MYOM2: variants seen among roughly 807,000 people sequenced by gnomAD.
MYOM2 encodes myomesin 2.
MYOM2 carries 254 observed loss-of-function variants against 187.6 expected under a neutral mutation model. The observed-to-expected ratio is 1.35, with a 90% CI of 1.22 to 1.50. MYOM2 has a LOEUF of 1.50. MYOM2 is among the 40% of genes most tolerant of loss of function. The probability of loss-of-function intolerance (pLI) is 0.00; values close to 1 mark genes in which losing one functional copy is unlikely to be tolerated. For missense variants in MYOM2, 2,796 were observed against 1,924.0 expected (o/e 1.45, Z -8.48); for synonymous variants, 981 against 753.8 (o/e 1.30, Z -4.94).
At chr8:2,116,421 T>C in intron 27 of MYOM2, 146 bp downstream of exon 27, 2 of 729,626 alleles carry the variant, frequency 2.7e-6, no homozygotes, top group Non-Finnish European at 2.2e-6. Context: ...ACCAACTGCA[T>C]AGGAAAGGAA....
intron 7 of MYOM2, 30 bp downstream of exon 7, chr8:2,069,396 C>T (rs1819137001): frequency 6.2e-7 from 1 of 1,613,924 alleles, no homozygotes; most frequent in South Asian, 1.1e-5. Flanking sequence ...TCACGGGGCA[C>T]CTCCCGCCTC....
At chr8:2,080,606 G>A (rs1246283955) in intron 13 of MYOM2, among the ~76,000 whole-genome samples, 1 of 152,206 alleles carries the variant, frequency 6.6e-6, no homozygotes, top group East Asian at 1.9e-4. Context: ...TGAAAGTGAG[G>A]GATTTGAGGA....
chr8:2,127,078 C>T (rs1370332823), intron 31 of MYOM2, among the ~76,000 whole-genome samples: 4 of 151,682 alleles, frequency 2.6e-5, no homozygotes, highest in Non-Finnish European at 5.9e-5. Context: ...CTCCCGTGTT[C>T]TGCCTGGTTA....
chr8:2,115,877 C>T lies in MYOM2; in HGVS notation c.3181-83C>T, dbSNP rs1049448128. 4.9e-5 allele frequency: 71 copies of T among 1,442,622 alleles called. 2 individuals carry two copies. In the South Asian group the frequency reaches 9.1e-4, roughly 18 times the overall value. 89.4% of individuals were successfully genotyped at this position (1,442,622 alleles called of 1,614,324 possible). A position where few individuals can be genotyped will look rare whatever the true frequency, so the allele number is the denominator to read the frequency against. ...ATCATAATCCCTTGAGATCTCATGG[C>T]TGATGCAATTGTTAAATGTTGCAAG... On this transcript the variant is annotated intron_variant, in intron 25 of 36. Transcript: ENST00000262113.
intron 32 of MYOM2, among the ~76,000 whole-genome samples, chr8:2,140,488 G>A (rs1441008581): frequency 6.6e-6 from 1 of 152,180 alleles, no homozygotes; most frequent in Non-Finnish European, 1.5e-5. Flanking sequence ...GTCGTGACAA[G>A]TATATATTAC....
In MYOM2 at chr8:2,085,312, C is replaced by G. The variant is rs757547518; in HGVS notation, c.1566C>G (p.Ile522Met). Reference protein sequence around the residue: ...GPPTGVHASEISRNYVVLSWE... With the variant: ...GPPTGVHASEMSRNYVVLSWE... Reference sequence around the variant, plus strand: ...CCACCGGTGTGCACGCTTCCGAGATCAGCAGAAACTATGTCGTCCTCAGCT... The same window carrying G: ...CCACCGGTGTGCACGCTTCCGAGATGAGCAGAAACTATGTCGTCCTCAGCT... The change falls in exon 14 of 37, where the codon ATC (isoleucine) becomes ATG (methionine). Residue 522 changes from isoleucine to methionine, a missense_variant. Coordinates refer to ENST00000262113, the MANE Select transcript of MYOM2 (RefSeq NM_003970.4). The G allele has an allele frequency of 6.2e-7, 1 of 1,614,194 alleles. No individual in the cohort carries two copies. Among genetic ancestry groups the G allele is most frequent in the Admixed American group, 1.7e-5 (1 of 60,030 alleles).
At chr8:2,053,281 C>G (rs1192461449) in intron 3 of MYOM2, among the ~76,000 whole-genome samples, 1 of 152,070 alleles carries the variant, frequency 6.6e-6, no homozygotes, top group Non-Finnish European at 1.5e-5. Flanking sequence ...TTTTAAATGT[C>G]ATAGGATAAT....
chr8:2,124,321 T>C, intron 31 of MYOM2, 104 bp downstream of exon 31: 1 of 1,191,644 alleles, frequency 8.4e-7, no homozygotes, highest in Non-Finnish European at 1.2e-6. Flanking sequence ...GGAGCTGTGG[T>C]GCGTGTTCTG....
rs200174910 is a variant in MYOM2, at chr8:2,123,514, G to A, written c.3568-41G>A. 7.3e-4 allele frequency: 1,133 copies of A among 1,561,528 alleles called. 1 individual carries two copies. The highest frequency in any genetic ancestry group is 9.4e-4 in the Non-Finnish European group (1,071 of 1,133,512). ...GTTTATTACGTTTTCTAAGATTGCA[G>A]TATTGACTTTACATAAATATGGAAT... On this transcript the variant is annotated intron_variant, in intron 29 of 36. Coordinates refer to ENST00000262113, the MANE Select transcript of MYOM2 (RefSeq NM_003970.4).
chr8:2,117,696 A>C (rs551734929), intron 27 of MYOM2, among the ~76,000 whole-genome samples, 189 bp from the exon 28 acceptor site: 73 of 152,218 alleles, frequency 4.8e-4, no homozygotes, highest in African/African-American at 1.7e-3. Flanking sequence ...CCTGAAAACT[A>C]TCTCAGTTTC....
chr8:2,087,360 C>G (rs574031366), intron 14 of MYOM2, among the ~76,000 whole-genome samples: 1 of 152,296 alleles, frequency 6.6e-6, no homozygotes, highest in African/African-American at 2.4e-5. Flanking sequence ...ATTTCAGACT[C>G]CAGCATGGAG....
chr8:2,145,250 A>C lies in MYOM2; in HGVS notation c.*269A>C. On this transcript the variant is annotated 3_prime_UTR_variant, in exon 37 of 37. Transcript: ENST00000262113. The stretch of plus-strand genomic sequence containing the variant: ...GACAGAGAGTGGGTTGGCAGACAAC[A>C]CACTAGAATTTTCACGGGTGTGGGC... 1.8e-6 allele frequency: 1 copy of C among 558,102 alleles called. No homozygotes were observed. Among genetic ancestry groups the C allele is most frequent in the Non-Finnish European group, 3.1e-6 (1 of 319,176 alleles). 34.6% of individuals were successfully genotyped at this position (558,102 alleles called of 1,614,324 possible). A position where few individuals can be genotyped will look rare whatever the true frequency, so the allele number is the denominator to read the frequency against.
chr8:2,136,245 G>A (rs1419138401), intron 32 of MYOM2, among the ~76,000 whole-genome samples: 1 of 152,238 alleles, frequency 6.6e-6, no homozygotes, highest in East Asian at 1.9e-4. Flanking sequence ...TGCAGCCCAG[G>A]GAAGGGTAGC....
rs1454853933 is a variant in MYOM2, at chr8:2,102,768, A to G, written c.2721A>G (p.Val907=). The part of the protein sequence containing the change: ...KPSDTSEPVL[V]EARPGTKEIS... The stretch of plus-strand genomic sequence containing the variant: ...CAGACACGTCGGAGCCTGTGCTGGT[A>G]GAGGCGAGACCAGGTAAGGCTTACA... The change falls in exon 21 of 37, where the codon GTA becomes GTG. Residue 907 remains valine, a synonymous_variant. Transcript: ENST00000262113. 3.1e-6 allele frequency: 5 copies of G among 1,613,472 alleles called. No homozygotes were observed. In the African/African-American group the frequency reaches 4.0e-5, roughly 13 times the overall value.
At chr8:2,126,210 G>C (rs886706145) in intron 31 of MYOM2, among the ~76,000 whole-genome samples, 2 of 152,306 alleles carry the variant, frequency 1.3e-5, no homozygotes, top group Non-Finnish European at 2.9e-5. Context: ...ACATTATGTT[G>C]GGAGTTGGAT....
intron 20 of MYOM2, 112 bp from the exon 21 acceptor site, chr8:2,102,555 C>CTCATTAAG: frequency 3.2e-6 from 2 of 627,500 alleles, no homozygotes; most frequent in Non-Finnish European, 5.5e-6. Context: ...ATTTTCCTAA[C>CTCATTAAG]TGGAAAAATA....
At chr8:2,075,102 G>T (rs1010551516) in intron 10 of MYOM2, among the ~76,000 whole-genome samples, 1 of 152,290 alleles carries the variant, frequency 6.6e-6, no homozygotes, top group East Asian at 1.9e-4. Context: ...TATCATTAAA[G>T]AATATTTCAT....
chr8:2,059,792 G>C (rs1338870888), intron 6 of MYOM2, among the ~76,000 whole-genome samples: 1 of 149,754 alleles, frequency 6.7e-6, no homozygotes, highest in African/African-American at 2.5e-5. Flanking sequence ...GCCCAGGCTG[G>C]AGTGCAATGG....
chr8:2,068,217 C>T (rs1453351904), intron 6 of MYOM2, among the ~76,000 whole-genome samples: 2 of 151,616 alleles, frequency 1.3e-5, no homozygotes, highest in African/African-American at 2.4e-5. Flanking sequence ...CTCTTCAATG[C>T]CTGTGTGCAC....
Sources: allele counts gnomAD v4.1 joint callset (sites outside exome capture counted in the v4.1 genomes callset), GRCh38; gene constraint gnomAD v4.1.1; transcripts MANE v1.5; gene names NCBI Gene and HGNC (gene_info 2026-07-23, HGNC 2026-07-21).